The following ELAVL2 variants were observed in gnomAD, a reference collection of about 807,000 sequenced individuals.
ELAVL2 encodes the protein ELAV like RNA binding protein 2, also known as ELAV-like protein 2.
Under a neutral mutation model 34.6 loss-of-function variants are expected in ELAVL2, and 4 were observed. The observed-to-expected ratio is 0.12, with a 90% CI of 0.06 to 0.26. ELAVL2 has a LOEUF of 0.26. Among genes scored for constraint, ELAVL2 ranks in the 10% least tolerant of loss-of-function variants. ELAVL2 has a pLI of 1.00. For synonymous variants in ELAVL2, 193 were observed against 154.8 expected (o/e 1.25, Z -1.83); for missense variants, 432 against 442.8 (o/e 0.98, Z 0.22).
chr9:23,839,716 G>A, the ELAVL2 span, among the ~76,000 whole-genome samples: 4 of 152,062 alleles, frequency 2.6e-5, no homozygotes, highest in African/African-American at 4.8e-5. Context: ...GAAATTAATA[G>A]GTAGTTTATA....
intron 3 of ELAVL2, among the ~76,000 whole-genome samples, chr9:23,715,355 A>AG (rs1243749120): frequency 6.6e-6 from 1 of 152,184 alleles, no homozygotes; most frequent in East Asian, 1.9e-4. Context: ...TCACAGTGTT[A>AG]GCCAGAATGG....
At chr9:23,808,570 T>C (rs2062555569) in intron 1 of ELAVL2, among the ~76,000 whole-genome samples, 1 of 152,150 alleles carries the variant, frequency 6.6e-6, no homozygotes, top group South Asian at 2.1e-4. Flanking sequence ...ATGCCATTCA[T>C]GTCAGGAGGC....
chr9:23,850,387 G>C, the ELAVL2 span, among the ~76,000 whole-genome samples: 1 of 152,214 alleles, frequency 6.6e-6, no homozygotes, highest in East Asian at 1.9e-4. Context: ...AACACTTCCA[G>C]AGGCATTCAT....
intron 3 of ELAVL2, among the ~76,000 whole-genome samples, chr9:23,710,947 A>G (rs907834666): frequency 1.3e-5 from 2 of 152,172 alleles, no homozygotes; most frequent in African/African-American, 4.8e-5. Context: ...CAGAGACCTC[A>G]AAATTCACCC....
chr9:23,819,093 A>C (rs112816315), intron 1 of ELAVL2, among the ~76,000 whole-genome samples: 3,165 of 152,260 alleles, frequency 0.021, 55 homozygotes, highest in Non-Finnish European at 0.032. Flanking sequence ...GGGGAGGCAC[A>C]TTATTTTTAA....
intron 1 of ELAVL2, among the ~76,000 whole-genome samples, chr9:23,790,432 CTTAGGATTAG>C (rs1326400014): frequency 6.6e-6 from 1 of 152,156 alleles, no homozygotes; most frequent in Non-Finnish European, 1.5e-5. Context: ...AGATTTTCTA[CTTAGGATTAG>C]TTACAGGCAT....
At chr9:23,741,819 A>G (rs1021356634) in intron 2 of ELAVL2, among the ~76,000 whole-genome samples, 38 of 152,286 alleles carry the variant, frequency 2.5e-4, no homozygotes, top group African/African-American at 8.4e-4. Context: ...TAAATTGAAG[A>G]TGGTACTTTA....
intron 1 of ELAVL2, among the ~76,000 whole-genome samples, chr9:23,801,448 T>C (rs16907779): frequency 0.14 from 21,799 of 152,156 alleles, 1,992 homozygotes; most frequent in East Asian, 0.3. Context: ...ACAGGAGCTA[T>C]TGGAATATAA....
intron 1 of ELAVL2, among the ~76,000 whole-genome samples, chr9:23,785,362 C>T (rs1008361163): frequency 6.6e-5 from 10 of 152,208 alleles, no homozygotes; most frequent in African/African-American, 2.4e-4. Context: ...CAAGTAAGAG[C>T]CCACACATAG....
intron 2 of ELAVL2, among the ~76,000 whole-genome samples, chr9:23,750,335 A>C (rs2051616472): frequency 6.6e-6 from 1 of 151,186 alleles, no homozygotes; most frequent in South Asian, 2.1e-4. Context: ...ATTGATATAA[A>C]ACACAGTAAC....
intron 1 of ELAVL2, among the ~76,000 whole-genome samples, chr9:23,778,807 A>C (rs1222143047): frequency 1.3e-5 from 2 of 152,216 alleles, no homozygotes; most frequent in Admixed American, 6.5e-5. Context: ...AAAAGCATCA[A>C]GTCTGTGTCA....
intron 1 of ELAVL2, among the ~76,000 whole-genome samples, chr9:23,799,002 T>C (rs540530891): frequency 1.2e-4 from 18 of 152,292 alleles, no homozygotes; most frequent in Non-Finnish European, 1.9e-4. Context: ...GTACAAAATT[T>C]TCTCCCAGGT....
chr9:23,748,781 G>A (rs1337177012), intron 2 of ELAVL2, among the ~76,000 whole-genome samples: 5 of 152,024 alleles, frequency 3.3e-5, no homozygotes, highest in African/African-American at 1.2e-4. Context: ...ACTTGGAGAG[G>A]AAGAGAAATA....
At chr9:23,743,182 T>C (rs2049689441) in intron 2 of ELAVL2, among the ~76,000 whole-genome samples, 1 of 152,162 alleles carries the variant, frequency 6.6e-6, no homozygotes, top group South Asian at 2.1e-4. Flanking sequence ...AGTATCAATT[T>C]TGTTTTTGCT....
intron 2 of ELAVL2, among the ~76,000 whole-genome samples, chr9:23,742,849 C>T (rs1298208551): frequency 1.1e-4 from 17 of 152,122 alleles, no homozygotes; most frequent in African/African-American, 3.9e-4. Context: ...GTAGGAGGAA[C>T]ATTTTTCTTT....
At chr9:23,713,535 C>T (rs925159061) in intron 3 of ELAVL2, among the ~76,000 whole-genome samples, 1 of 152,038 alleles carries the variant, frequency 6.6e-6, no homozygotes, top group Non-Finnish European at 1.5e-5. Flanking sequence ...GGAGTTTTAG[C>T]GTAACCACCA....
chr9:23,742,263 C>T (rs1162857970), intron 2 of ELAVL2, among the ~76,000 whole-genome samples: 1 of 152,172 alleles, frequency 6.6e-6, no homozygotes, highest in Non-Finnish European at 1.5e-5. Context: ...ACAAGTACCT[C>T]AATCCTCTTT....
chr9:23,812,035 G>T (rs1564564337), intron 1 of ELAVL2, among the ~76,000 whole-genome samples: 1 of 152,056 alleles, frequency 6.6e-6, no homozygotes, highest in Non-Finnish European at 1.5e-5. Flanking sequence ...CTGATCCCTT[G>T]ATTCCCAGAC....
At chr9:23,762,273 T>A in intron 1 of ELAVL2, 24 bp from the exon 2 acceptor site, 6 of 1,610,420 alleles carry the variant, frequency 3.7e-6, no homozygotes, top group Non-Finnish European at 5.1e-6. Flanking sequence ...AAACAAGAAA[T>A]GTCAGAATTC....
Sources: gnomAD v4.1 joint callset for allele counts (sites outside exome capture counted in the v4.1 genomes callset) on GRCh38, gnomAD v4.1.1 for gene constraint, MANE v1.5 for transcripts, NCBI Gene and HGNC (gene_info 2026-07-23, HGNC 2026-07-21) for gene names.